The following CNTN6 variants were observed in gnomAD, a reference collection of about 807,000 sequenced individuals.
CNTN6 encodes contactin 6.
In CNTN6, 137 loss-of-function variants were observed where a neutral mutation model predicts 122.8. The observed-to-expected ratio is 1.12, with a 90% CI of 0.97 to 1.29. The LOEUF is 1.29. Among genes scored for constraint, CNTN6 ranks in the 50% most tolerant of loss-of-function variants. The probability of loss-of-function intolerance (pLI) is 0.00; values close to 1 mark genes in which losing one functional copy is unlikely to be tolerated. For missense variants in CNTN6, 1,634 were observed against 1,223.4 expected (o/e 1.34, Z -5.01); for synonymous variants, 570 against 426.0 (o/e 1.34, Z -4.16).
chr3:1,337,767 C>G (rs922766032), intron 11 of CNTN6, among the ~76,000 whole-genome samples: 1 of 152,106 alleles, frequency 6.6e-6, no homozygotes, highest in Admixed American at 6.6e-5. Context: ...GTGAGCCTTT[C>G]CAAGGGAATA....
intron 4 of CNTN6, among the ~76,000 whole-genome samples, chr3:1,276,645 C>A (rs1211648477): frequency 6.6e-6 from 1 of 152,140 alleles, no homozygotes; most frequent in East Asian, 1.9e-4. Context: ...ATTCTGGAAG[C>A]AGTTCTTTCC....
chr3:1,227,778 T>C, intron 3 of CNTN6, 40 bp from the exon 4 acceptor site: 12 of 1,592,654 alleles, frequency 7.5e-6, no homozygotes, highest in African/African-American at 1.3e-5. Flanking sequence ...ATTGATTGAC[T>C]CTGTATATTA....
chr3:1,201,259 C>T lies in CNTN6; in HGVS notation c.56-19428C>T, dbSNP rs758196188. ...AAGTGCTGGGATTACAGGAGTAAGC[C>T]GCCATGCTCAGCCCCTATTCTCTTT... is the stretch of plus-strand genomic sequence containing the variant. On this transcript the variant is annotated intron_variant, in intron 2 of 22. Coordinates refer to ENST00000446702, the MANE Select transcript of CNTN6 (RefSeq NM_001289080.2). Among the ~76,000 whole-genome samples the T allele has an allele frequency of 2.0e-5, 3 of 152,154 alleles. No homozygotes were observed. The East Asian group carries it at 5.8e-4, about 29-fold the overall frequency.
intron 2 of CNTN6, chr3:1,173,291 CT>C: frequency 2.2e-6 from 1 of 456,616 alleles, no homozygotes; most frequent in South Asian, 1.5e-5. Context: ...GCTAAGTGCC[CT>C]TATATCACCT....
At chr3:1,393,571 A>G (rs1020002473) in intron 20 of CNTN6, among the ~76,000 whole-genome samples, 5 of 83,132 alleles carry the variant, frequency 6.0e-5, no homozygotes, top group African/African-American at 8.9e-5. Context: ...AAAAAAAAAA[A>G]AAAGAAACTC....
intron 1 of CNTN6, among the ~76,000 whole-genome samples, chr3:1,118,608 A>G (rs1384418429): frequency 7.9e-5 from 12 of 152,152 alleles, no homozygotes; most frequent in Admixed American, 7.9e-4. Context: ...AATATAGGTA[A>G]CATAATTGCT....
rs188382345 is a variant in CNTN6, at chr3:1,264,932, T to G, written c.359-13481T>G. On this transcript the variant is annotated intron_variant, in intron 4 of 22. Coordinates refer to ENST00000446702, the MANE Select transcript of CNTN6 (RefSeq NM_001289080.2). ...TCTACTTACATGAATTTAACTTTTT[T>G]GATTCCTTGTATGAGTGAGATCATT... Among the ~76,000 whole-genome samples, 92 of 152,228 alleles carry G rather than the reference T, an allele frequency of 6.0e-4. 1 individual carries two copies. The highest frequency in any genetic ancestry group is 2.2e-3 in the African/African-American group (90 of 41,554).
chr3:1,397,060 G>A lies in CNTN6; in HGVS notation c.2705-4373G>A, dbSNP rs543734008. Reference sequence around the variant, plus strand: ...GAAGACAGAGGTATTTTCTTTGTTTGTTTGTTTTCTCACATGATCATCCAG... The same window carrying A: ...GAAGACAGAGGTATTTTCTTTGTTTATTTGTTTTCTCACATGATCATCCAG... On this transcript the variant is annotated intron_variant, in intron 20 of 22. Coordinates refer to ENST00000446702, the MANE Select transcript of CNTN6 (RefSeq NM_001289080.2). 3.4e-4 allele frequency among the ~76,000 whole-genome samples: 51 copies of A among 152,120 alleles called. 1 individual carries two copies. Among genetic ancestry groups the A allele is most frequent in the Non-Finnish European group, 6.3e-4 (43 of 68,002 alleles).
At chr3:1,386,513 G>A (rs1387670989) in intron 20 of CNTN6, among the ~76,000 whole-genome samples, 16 of 152,082 alleles carry the variant, frequency 1.1e-4, no homozygotes, top group Admixed American at 1.0e-3. Context: ...TTTATTTTCT[G>A]ACTGAGTCTG....
At chr3:1,372,047 G>T (rs1038471472) in intron 12 of CNTN6, among the ~76,000 whole-genome samples, 1 of 152,042 alleles carries the variant, frequency 6.6e-6, no homozygotes, top group Non-Finnish European at 1.5e-5. Context: ...ATTTTTTGAG[G>T]TCTACAGTTT....
At chr3:1,318,352 A>G (rs542142225) in intron 7 of CNTN6, among the ~76,000 whole-genome samples, 7 of 151,680 alleles carry the variant, frequency 4.6e-5, no homozygotes, top group East Asian at 2.0e-4. Flanking sequence ...TTCATGTTCA[A>G]TTCTCTAGAC....
intron 12 of CNTN6, among the ~76,000 whole-genome samples, chr3:1,358,846 G>A (rs1449439496): frequency 1.3e-5 from 2 of 151,970 alleles, no homozygotes; most frequent in East Asian, 3.9e-4. Flanking sequence ...TGAGGTGGGA[G>A]GATTGCTTGA....
intron 1 of CNTN6, among the ~76,000 whole-genome samples, chr3:1,116,027 G>C (rs1399284650): frequency 2.0e-5 from 3 of 152,084 alleles, no homozygotes; most frequent in Non-Finnish European, 4.4e-5. Context: ...TGATACAGAG[G>C]ACACCTTCAG....
intron 1 of CNTN6, among the ~76,000 whole-genome samples, chr3:1,099,340 A>G (rs570273893): frequency 6.6e-5 from 10 of 151,838 alleles, no homozygotes; most frequent in African/African-American, 1.2e-4. Context: ...AGTCCCAGCT[A>G]CTGGGGAGGC....
rs867373706 is a variant in CNTN6, at chr3:1,136,978, G to A, written c.-82-10949G>A. Reference sequence around the variant, plus strand: ...CATGTAACTCCTGGCATAGAATCTCGCTTCTGTTGGGTATTTGAAAAATTC... The same window carrying A: ...CATGTAACTCCTGGCATAGAATCTCACTTCTGTTGGGTATTTGAAAAATTC... On this transcript the variant is annotated intron_variant, in intron 1 of 22. Transcript: ENST00000446702. 2.6e-4 allele frequency among the ~76,000 whole-genome samples: 40 copies of A among 152,106 alleles called. 1 individual carries two copies. Among genetic ancestry groups the A allele is most frequent in the African/African-American group, 8.2e-4 (34 of 41,408 alleles).
intron 20 of CNTN6, among the ~76,000 whole-genome samples, chr3:1,400,019 A>C (rs1695485310): frequency 6.6e-6 from 1 of 152,100 alleles, no homozygotes; most frequent in Non-Finnish European, 1.5e-5. Context: ...ATGGTAATAT[A>C]TTTGAGACAC....
intron 11 of CNTN6, among the ~76,000 whole-genome samples, chr3:1,341,684 T>C (rs1703912292): frequency 6.6e-6 from 1 of 152,196 alleles, no homozygotes. Context: ...ACTTAAATTT[T>C]TTGTGTATAT....
intron 3 of CNTN6, 101 bp from the exon 4 acceptor site, chr3:1,227,717 G>T: frequency 8.1e-7 from 1 of 1,230,824 alleles, no homozygotes. Flanking sequence ...CATGTTTTTT[G>T]GTGTTTTTTA....
intron 20 of CNTN6, among the ~76,000 whole-genome samples, chr3:1,399,213 TAAAA>T (rs1031490926): frequency 6.6e-6 from 1 of 151,998 alleles, no homozygotes; most frequent in African/African-American, 2.4e-5. Context: ...AGAACAGAGA[TAAAA>T]AGAAAGGTAT....
Sources: allele counts gnomAD v4.1 joint callset (sites outside exome capture counted in the v4.1 genomes callset), GRCh38; gene constraint gnomAD v4.1.1; transcripts MANE v1.5; gene names NCBI Gene and HGNC (gene_info 2026-07-23, HGNC 2026-07-21).